NFAT5: variants seen among roughly 807,000 people sequenced by gnomAD.
The protein encoded by NFAT5 is nuclear factor of activated T-cells 5.
In NFAT5, 31 loss-of-function variants were observed where a neutral mutation model predicts 166.5. That is an observed-to-expected ratio of 0.19 (90% CI 0.14 to 0.25). NFAT5 has a LOEUF of 0.25. Ranked by LOEUF, NFAT5 falls within the 10% of genes least tolerant of loss-of-function variation. The pLI, the probability that NFAT5 is intolerant of heterozygous loss-of-function variation, is 1.00. For synonymous variants in NFAT5, 612 were observed against 639.7 expected (o/e 0.96, Z 0.65); for missense variants, 1,449 against 1,821.8 (o/e 0.80, Z 3.72).
intron 3 of NFAT5, among the ~76,000 whole-genome samples, chr16:69,630,673 A>T (rs1381392939): frequency 6.6e-6 from 1 of 152,254 alleles, no homozygotes; most frequent in Non-Finnish European, 1.5e-5. Flanking sequence ...TGGCAAAATA[A>T]GGAGTTTATT....
intron 10 of NFAT5, among the ~76,000 whole-genome samples, chr16:69,684,264 A>G (rs1370994796): frequency 9.3e-5 from 14 of 149,780 alleles, no homozygotes; most frequent in Non-Finnish European, 4.5e-5. Context: ...TCAAAAAAAA[A>G]AAAAAAAAAA....
At chr16:69,590,319 T>C (rs2032382453) in intron 2 of NFAT5, among the ~76,000 whole-genome samples, 1 of 152,230 alleles carries the variant, frequency 6.6e-6, no homozygotes, top group Non-Finnish European at 1.5e-5. Flanking sequence ...TAGACAATTT[T>C]GCTATGGTAT....
At position 69,704,578 on chromosome 16, in the gene NFAT5, C is replaced by A. The variant is rs896308723; in HGVS notation, c.*8227C>A. ...TAAATATTAAAAAGATATTTTGCTTCTATTGGAACATTTGTATACTCGCAA... is the reference window on the plus strand; with the variant it reads ...TAAATATTAAAAAGATATTTTGCTTATATTGGAACATTTGTATACTCGCAA... On this transcript the variant is annotated 3_prime_UTR_variant, in exon 15 of 15. Transcript: ENST00000349945. 12 of 152,542 alleles carry A rather than the reference C, an allele frequency of 7.9e-5. No homozygotes were observed. The highest frequency in any genetic ancestry group is 2.7e-4 in the African/African-American group (11 of 41,424). The allele number at this position is 152,542 out of a possible 1,614,324, so 9.4% of individuals were successfully genotyped here.
chr16:69,631,719 G>A (rs766388013), intron 3 of NFAT5, among the ~76,000 whole-genome samples: 1 of 151,812 alleles, frequency 6.6e-6, no homozygotes, highest in Non-Finnish European at 1.5e-5. Flanking sequence ...TCCACCTCCC[G>A]GGTTCCAGCG....
intron 2 of NFAT5, among the ~76,000 whole-genome samples, chr16:69,615,031 C>A (rs2033877693): frequency 6.6e-6 from 1 of 151,272 alleles, no homozygotes; most frequent in Non-Finnish European, 1.5e-5. Context: ...CACCCACCAC[C>A]ACTCCCAGCT....
At chr16:69,682,090 G>T (rs1317475490) in intron 10 of NFAT5, among the ~76,000 whole-genome samples, 2 of 151,812 alleles carry the variant, frequency 1.3e-5, no homozygotes, top group East Asian at 3.9e-4. Flanking sequence ...AAATCAAAAT[G>T]TGTATTCTCT....
intron 2 of NFAT5, among the ~76,000 whole-genome samples, chr16:69,603,444 G>T (rs1317947030): frequency 3.9e-5 from 6 of 152,016 alleles, no homozygotes; most frequent in African/African-American, 1.2e-4. Context: ...TCATTTATAT[G>T]ATGCATTGTT....
intron 3 of NFAT5, among the ~76,000 whole-genome samples, chr16:69,643,791 G>A (rs577839945): frequency 6.6e-6 from 1 of 152,228 alleles, no homozygotes; most frequent in African/African-American, 2.4e-5. Context: ...TGTAGGCACT[G>A]TGATAGGTGT....
intron 6 of NFAT5, among the ~76,000 whole-genome samples, chr16:69,657,468 T>TA (rs74905288): frequency 0.24 from 35,678 of 150,176 alleles, 4,554 homozygotes; most frequent in East Asian, 0.45. Flanking sequence ...TGAAAATTAC[T>TA]AAAAAAGGGG....
Position 69,669,977 on chromosome 16 carries a change from C to G in NFAT5, c.1370C>G (p.Thr457Ser). The G allele has an allele frequency of 6.3e-7, 1 of 1,593,178 alleles. No homozygotes were observed. The highest frequency in any genetic ancestry group is 1.9e-5 in the Admixed American group (1 of 53,866). Residue 457 changes from threonine (T) to serine (S), a missense_variant and splice_region_variant, in exon 8 of 15, where the codon ACT (threonine) becomes AGT (serine). Transcript: ENST00000349945. Reference protein sequence around the residue: ...LQTPSSPILCTQPAGVPEILK... With the variant: ...LQTPSSPILCSQPAGVPEILK... ...ATAGAATGCTTATGTATCTCCACAGCTCAGCCAGCAGGAGTGCCAGAAATC... is the reference window on the plus strand; with the variant it reads ...ATAGAATGCTTATGTATCTCCACAGGTCAGCCAGCAGGAGTGCCAGAAATC...
chr16:69,688,225 A>AAAAAAAAAAG (rs1567609428), intron 11 of NFAT5, among the ~76,000 whole-genome samples: 1 of 144,706 alleles, frequency 6.9e-6, no homozygotes, highest in African/African-American at 2.7e-5. Flanking sequence ...AAAAAAAAAA[A>AAAAAAAAAAG]ACCAGGAGTT....
intron 2 of NFAT5, among the ~76,000 whole-genome samples, chr16:69,623,760 G>A (rs1470060706): frequency 6.6e-6 from 1 of 151,192 alleles, no homozygotes; most frequent in Non-Finnish European, 1.5e-5. Context: ...GCCTGCCTCG[G>A]CCTCCCAAGG....
chr16:69,687,883 G>A (rs957653277), intron 11 of NFAT5, among the ~76,000 whole-genome samples: 13 of 152,176 alleles, frequency 8.5e-5, no homozygotes, highest in Non-Finnish European at 1.8e-4. Flanking sequence ...AGGAGACTGA[G>A]GTGGGAGGAT....
At chr16:69,628,576 A>G (rs982061443) in intron 3 of NFAT5, among the ~76,000 whole-genome samples, 1 of 152,210 alleles carries the variant, frequency 6.6e-6, no homozygotes, top group African/African-American at 2.4e-5. Context: ...AGTTTAAATC[A>G]CAGAATAATT....
rs982519180 is a variant in NFAT5 at position 69,586,404 on chromosome 16, ATT to A, written c.127+17866_127+17867del. Among the ~76,000 whole-genome samples the A allele has an allele frequency of 2.7e-5, 4 of 149,318 alleles. No homozygotes were observed. The Admixed American group carries it at 2.7e-4, about 10-fold the overall frequency. ...ACATATTAACCTTGTTTAGATTGGA[ATT>A]TTTTTTTTTCTTTTTAGACGGAATC... On this transcript the variant is annotated intron_variant, in intron 2 of 14. Transcript: ENST00000349945.
chr16:69,681,136 T>C (rs1469013785), intron 10 of NFAT5, among the ~76,000 whole-genome samples: 1 of 152,186 alleles, frequency 6.6e-6, no homozygotes. Flanking sequence ...GAGAATATGA[T>C]TTCAGGAAAA....
At chr16:69,624,176 A>C (rs2034336700) in intron 2 of NFAT5, among the ~76,000 whole-genome samples, 1 of 152,122 alleles carries the variant, frequency 6.6e-6, no homozygotes, top group South Asian at 2.1e-4. Context: ...TTAGGTAACA[A>C]CATTTTTCCT....
At chr16:69,642,810 G>A (rs2035270698) in intron 3 of NFAT5, among the ~76,000 whole-genome samples, 2 of 149,476 alleles carry the variant, frequency 1.3e-5, no homozygotes, top group African/African-American at 5.0e-5. Context: ...GAGCAAGACT[G>A]TGTCTCAAAA....
chr16:69,665,571 T>G (rs1330826344), intron 7 of NFAT5, among the ~76,000 whole-genome samples: 1 of 77,388 alleles, frequency 1.3e-5, no homozygotes. Flanking sequence ...CATTCACAAT[T>G]GCTTCAAAGA....
Sources: allele counts gnomAD v4.1 joint callset (sites outside exome capture counted in the v4.1 genomes callset), GRCh38; gene constraint gnomAD v4.1.1; transcripts MANE v1.5; gene names NCBI Gene and HGNC (gene_info 2026-07-23, HGNC 2026-07-21).